Variants in SH3BP4 observed in about 807,000 individuals in gnomAD.
The protein encoded by SH3BP4 is SH3 domain-binding protein 4.
In SH3BP4, 33 loss-of-function variants were observed where a neutral mutation model predicts 65.5. The observed-to-expected ratio is 0.50, with a 90% CI of 0.38 to 0.67. The LOEUF (loss-of-function observed/expected upper bound fraction) is 0.67. Among genes scored for constraint, SH3BP4 ranks in the 30% least tolerant of loss-of-function variants. SH3BP4 has a pLI of 0.00. For missense variants in SH3BP4, 1,134 were observed against 1,261.4 expected, an observed-to-expected ratio of 0.90 and a Z score of 1.53; for synonymous variants, 552 against 545.5, an observed-to-expected ratio of 1.01 and a Z score of -0.17.
At position 235,038,372 on chromosome 2, in the gene SH3BP4, TATACATATATATA is replaced by T. The variant is rs1559254593; in HGVS notation, c.119-2515_119-2503del. Reference sequence around the variant, plus strand: ...ATTTTATATATATATATATAATATATATACATATATATATATATATATATATATATATATATAT... The same window carrying T: ...ATTTTATATATATATATATAATATATTATATATATATATATATATATATAT... On this transcript the variant is annotated intron_variant, in intron 3 of 5. Coordinates refer to ENST00000392011, the MANE Select transcript of SH3BP4 (RefSeq NM_014521.3). Among the ~76,000 whole-genome samples, 218 of 46,624 alleles carry T rather than the reference TATACATATATATA, an allele frequency of 4.7e-3. 12 individuals carry two copies. Among genetic ancestry groups the T allele is most frequent in the African/African-American group, 0.029 (207 of 7,044 alleles). The allele number at this position is 46,624 out of a possible 152,430, so 30.6% of individuals were successfully genotyped here.
chr2:235,007,658 G>A (rs558464272), intron 2 of SH3BP4, among the ~76,000 whole-genome samples: 2 of 152,334 alleles, frequency 1.3e-5, no homozygotes, highest in South Asian at 2.1e-4. Context: ...TTAGGATGAG[G>A]GATTTCTGGG....
chr2:234,966,242 G>T (rs190222465), intron 1 of SH3BP4, among the ~76,000 whole-genome samples: 1 of 152,234 alleles, frequency 6.6e-6, no homozygotes, highest in Admixed American at 6.5e-5. Flanking sequence ...ACCAGGCCTG[G>T]CCTGTAATCC....
Position 234,954,168 on chromosome 2 carries a change from A to T in SH3BP4, c.-207+1998A>T, listed in dbSNP as rs186246240. ...GGACACTTCTGTGAGCTTTATTATT[A>T]TTTTTTTCCTGTTGTCCCAAGACTA... On this transcript the variant is annotated intron_variant, in intron 1 of 5. Transcript: ENST00000392011. Among the ~76,000 whole-genome samples, 8 of 151,954 alleles carry T rather than the reference A, an allele frequency of 5.3e-5. No individual in the cohort carries two copies. In the East Asian group the frequency reaches 1.4e-3, roughly 26 times the overall value.
At chr2:234,954,405 C>G (rs1463470732) in intron 1 of SH3BP4, among the ~76,000 whole-genome samples, 6 of 152,144 alleles carry the variant, frequency 3.9e-5, no homozygotes, top group Non-Finnish European at 1.5e-5. Flanking sequence ...ATTGTCCTTT[C>G]CACCAGCACG....
chr2:234,994,717 G>A (rs1693858271), intron 1 of SH3BP4: 1 of 152,252 alleles, frequency 6.6e-6, no homozygotes, highest in African/African-American at 2.4e-5. Flanking sequence ...AGTAATGGCA[G>A]GTGATGGGAG....
chr2:234,981,958 G>C (rs1307552423), intron 1 of SH3BP4, among the ~76,000 whole-genome samples: 1 of 152,250 alleles, frequency 6.6e-6, no homozygotes, highest in South Asian at 2.1e-4. Context: ...CCTCCTTCCT[G>C]GGTGGCCACC....
intron 2 of SH3BP4, among the ~76,000 whole-genome samples, chr2:235,009,644 A>C (rs1340360641): frequency 1.3e-5 from 2 of 149,576 alleles, no homozygotes; most frequent in Non-Finnish European, 3.0e-5. Context: ...CTTGCCCTTG[A>C]CTCTTGCCTC....
intron 1 of SH3BP4, among the ~76,000 whole-genome samples, chr2:234,984,199 T>G (rs1467807371): frequency 6.6e-6 from 1 of 152,044 alleles, no homozygotes; most frequent in Non-Finnish European, 1.5e-5. Context: ...GTATGAGTTT[T>G]CGTTTGTTTG....
At chr2:234,980,488 G>C (rs1241997670) in intron 1 of SH3BP4, among the ~76,000 whole-genome samples, 1 of 152,222 alleles carries the variant, frequency 6.6e-6, no homozygotes, top group Non-Finnish European at 1.5e-5. Flanking sequence ...ACTGCTGTAT[G>C]TTAATGCCTT....
In SH3BP4 at chr2:235,035,052, G is replaced by A; in HGVS notation, c.50G>A (p.Cys17Tyr). Reference sequence around the variant, plus strand: ...GCCAACTCCAATGGCCTCCCTCGCTGCAAGTCAGAGGGGACCCTGATTGAC... The same window carrying A: ...GCCAACTCCAATGGCCTCCCTCGCTACAAGTCAGAGGGGACCCTGATTGAC... ...RAANSNGLPR[C>Y]KSEGTLIDLS... Residue 17 changes from cysteine (C) to tyrosine (Y), a missense_variant, in exon 3 of 6, where the codon TGC becomes TAC. Cys to Tyr is a radical substitution (Grantham distance 194). Coordinates refer to ENST00000392011, the MANE Select transcript of SH3BP4 (RefSeq NM_014521.3). This position sits in a 1 kb window ranked among gnomAD's most constrained non-coding sequence, Gnocchi z 5.0. The A allele has an allele frequency of 6.2e-7, 1 of 1,614,142 alleles. No homozygotes were observed. The highest frequency in any genetic ancestry group is 8.5e-7 in the Non-Finnish European group (1 of 1,180,022).
At chr2:235,006,430 A>G (rs1002375639) in intron 2 of SH3BP4, among the ~76,000 whole-genome samples, 2 of 151,720 alleles carry the variant, frequency 1.3e-5, no homozygotes, top group African/African-American at 4.8e-5. Context: ...TTTTATTCCT[A>G]ATGGATTTTT....
chr2:235,032,086 G>A (rs1462759441), intron 2 of SH3BP4, among the ~76,000 whole-genome samples: 1 of 152,236 alleles, frequency 6.6e-6, no homozygotes, highest in East Asian at 1.9e-4. Context: ...AGAGTTGTGG[G>A]CCCAGTGGGA....
At chr2:234,959,810 C>A (rs1692667598) in intron 1 of SH3BP4, among the ~76,000 whole-genome samples, 1 of 152,076 alleles carries the variant, frequency 6.6e-6, no homozygotes, top group African/African-American at 2.4e-5. Flanking sequence ...TGCCACCATG[C>A]CTGGCTAATT....
chr2:235,006,946 A>G (rs969621268), intron 2 of SH3BP4, among the ~76,000 whole-genome samples: 3 of 152,128 alleles, frequency 2.0e-5, no homozygotes, highest in Non-Finnish European at 4.4e-5. Context: ...AGACAAGTTC[A>G]TTCCCCAAAT....
rs377434583 is a variant in SH3BP4 at position 235,035,159 on chromosome 2, C to T, written c.118+39C>T. On this transcript the variant is annotated intron_variant, in intron 3 of 5. Transcript: ENST00000392011. This position sits in a 1 kb window ranked among gnomAD's most constrained non-coding sequence, Gnocchi z 5.0. ...GAACAGGACTGTGGCTAAGGGAGAA[C>T]GTTGGGATTTTCAAGTTGGGATCCA... 39 of 1,477,680 alleles carry T rather than the reference C, an allele frequency of 2.6e-5. No individual in the cohort carries two copies. In the African/African-American group the frequency reaches 4.2e-4, roughly 16 times the overall value. The allele number at this position is 1,477,680 out of a possible 1,614,324, so 91.5% of individuals were successfully genotyped here. A position where few individuals can be genotyped will look rare whatever the true frequency, so the allele number is the denominator to read the frequency against.
At chr2:235,023,333 G>A (rs1212181993) in intron 2 of SH3BP4, among the ~76,000 whole-genome samples, 1 of 152,266 alleles carries the variant, frequency 6.6e-6, no homozygotes, top group East Asian at 1.9e-4. Context: ...GATCACCTGA[G>A]GTCAGGAGTT....
intron 1 of SH3BP4, among the ~76,000 whole-genome samples, chr2:234,981,284 T>G (rs1029593778): frequency 2.0e-5 from 3 of 152,222 alleles, no homozygotes; most frequent in African/African-American, 7.2e-5. Context: ...TCTTGCTTGA[T>G]GCTGCCTTCC....
At position 235,038,387 on chromosome 2, in the gene SH3BP4, ATAT is replaced by A. The variant is rs1229420190; in HGVS notation, c.119-2500_119-2498del. 4.2e-4 allele frequency among the ~76,000 whole-genome samples: 6 copies of A among 14,146 alleles called. 1 individual carries two copies. Among genetic ancestry groups the A allele is most frequent in the African/African-American group, 2.7e-3 (5 of 1,852 alleles). 9.3% of individuals were successfully genotyped at this position (14,146 alleles called of 152,430 possible). A position where few individuals can be genotyped will look rare whatever the true frequency, so the allele number is the denominator to read the frequency against. Reference sequence around the variant, plus strand: ...ATATAATATATATACATATATATATATATATATATATATATATATATATATATA... The same window carrying A: ...ATATAATATATATACATATATATATAATATATATATATATATATATATATA... On this transcript the variant is annotated intron_variant, in intron 3 of 5. Coordinates refer to ENST00000392011, the MANE Select transcript of SH3BP4 (RefSeq NM_014521.3).
intron 2 of SH3BP4, among the ~76,000 whole-genome samples, chr2:234,999,582 T>C (rs1010742669): frequency 6.6e-5 from 10 of 152,214 alleles, no homozygotes; most frequent in Non-Finnish European, 1.5e-4. Context: ...TGACCAAGCA[T>C]AGACAGATTT....
Sources: gnomAD v4.1 joint callset for allele counts (sites outside exome capture counted in the v4.1 genomes callset) on GRCh38, gnomAD v4.1.1 for gene constraint, Gnocchi (gnomAD v3.1) non-coding constraint, MANE v1.5 for transcripts, NCBI Gene and HGNC (gene_info 2026-07-23, HGNC 2026-07-21) for gene names.